The following ATRN variants were observed in gnomAD, a reference collection of about 807,000 sequenced individuals.
The protein encoded by ATRN is attractin, also known as attractin-2.
A neutral mutation model predicts 178.7 loss-of-function variants in ATRN; 54 were observed. The observed-to-expected ratio is 0.30, with a 90% confidence interval of 0.24 to 0.38. The LOEUF is 0.38. Ranked by LOEUF, ATRN falls within the 10% of genes least tolerant of loss-of-function variation. ATRN has a pLI of 1.00. For missense variants in ATRN, 1,443 were observed against 1,815.1 expected, an observed-to-expected ratio of 0.79 and a Z score of 3.73; for synonymous variants, 636 against 663.0, an observed-to-expected ratio of 0.96 and a Z score of 0.63.
intron 1 of ATRN, among the ~76,000 whole-genome samples, chr20:3,503,992 C>T (rs960443720): frequency 6.6e-6 from 1 of 152,098 alleles, no homozygotes; most frequent in Admixed American, 6.6e-5. Flanking sequence ...ATAGGGAACA[C>T]CAATTCAAAT....
Position 3,584,100 on chromosome 20 carries a change from G to GC in ATRN, c.2950+20dup. On this transcript the variant is annotated intron_variant, in intron 17 of 28. Coordinates refer to ENST00000262919, the MANE Select transcript of ATRN (RefSeq NM_139321.3). Reference sequence around the variant, plus strand: ...CCTGCCCCCGTAAGTGAAAAAGGGAGCCCTAGGCACTTATGCATGCCCTCT... The same window carrying GC: ...CCTGCCCCCGTAAGTGAAAAAGGGAGCCCCTAGGCACTTATGCATGCCCTCT... The GC allele has an allele frequency of 1.2e-6, 2 of 1,611,642 alleles. No homozygotes were observed. The highest frequency in any genetic ancestry group is 1.7e-4 in the Middle Eastern group (1 of 5,854).
intron 14 of ATRN, among the ~76,000 whole-genome samples, 179 bp from the exon 15 acceptor site, chr20:3,578,403 A>T (rs2086239832): frequency 6.6e-6 from 1 of 152,232 alleles, no homozygotes; most frequent in Non-Finnish European, 1.5e-5. Flanking sequence ...TAAACATTTT[A>T]AAATTCTTGT....
At chr20:3,594,125 C>T (rs1268555798) in intron 19 of ATRN, among the ~76,000 whole-genome samples, 1 of 152,196 alleles carries the variant, frequency 6.6e-6, no homozygotes, top group Non-Finnish European at 1.5e-5. Flanking sequence ...TCTGTGTCCC[C>T]ACACCCAGCA....
rs182106279 is a variant in ATRN at position 3,615,163 on chromosome 20, G to A, written c.3802-9348G>A. Among the ~76,000 whole-genome samples the A allele has an allele frequency of 2.5e-3, 386 of 152,132 alleles. 1 individual carries two copies. Among genetic ancestry groups the A allele is most frequent in the African/African-American group, 8.9e-3 (371 of 41,508 alleles). On this transcript the variant is annotated intron_variant, in intron 24 of 28. Transcript: ENST00000262919. ...TCTTAAGAGTTTTAAGAATTATATG[G>A]TTGTGCTGTAATTCTAGCACTTAGG...
At chr20:3,545,655 T>G in intron 3 of ATRN, 107 bp from the exon 4 acceptor site, 3 of 1,411,146 alleles carry the variant, frequency 2.1e-6, no homozygotes, top group Non-Finnish European at 2.9e-6. Flanking sequence ...TCTTCCTGGA[T>G]GTGGTTTTTA....
intron 1 of ATRN, among the ~76,000 whole-genome samples, chr20:3,475,779 T>C (rs2084519574): frequency 6.6e-6 from 1 of 152,232 alleles, no homozygotes; most frequent in South Asian, 2.1e-4. Context: ...AATGTTAAGA[T>C]GTACCTTCTG....
At chr20:3,565,536 G>T (rs2086021023) in intron 11 of ATRN, 104 bp downstream of exon 11, 1 of 918,328 alleles carries the variant, frequency 1.1e-6, no homozygotes, top group Non-Finnish European at 1.7e-6. Context: ...GGGAGGCCGA[G>T]GCGGGTGGAA....
chr20:3,581,944 G>A (rs1259937104), intron 15 of ATRN, among the ~76,000 whole-genome samples, 191 bp from the exon 16 acceptor site: 1 of 152,098 alleles, frequency 6.6e-6, no homozygotes, highest in Non-Finnish European at 1.5e-5. Flanking sequence ...TGGTCAAGAT[G>A]TTGGTTATAT....
At chr20:3,623,758 T>A (rs2086915055) in intron 24 of ATRN, among the ~76,000 whole-genome samples, 2 of 152,214 alleles carry the variant, frequency 1.3e-5, no homozygotes, top group Non-Finnish European at 1.5e-5. Flanking sequence ...AATTCTCGTA[T>A]TTAATCAATT....
At chr20:3,635,810 T>C (rs1722419412) in intron 26 of ATRN, among the ~76,000 whole-genome samples, 1 of 152,206 alleles carries the variant, frequency 6.6e-6, no homozygotes, top group Non-Finnish European at 1.5e-5. Flanking sequence ...GCACACTCTT[T>C]ATTATTATTT....
chr20:3,576,160 G>A (rs574371125), intron 13 of ATRN, among the ~76,000 whole-genome samples: 41 of 152,278 alleles, frequency 2.7e-4, no homozygotes, highest in African/African-American at 9.1e-4. Flanking sequence ...TTGTGTTTTA[G>A]AAGAAGGTAG....
intron 1 of ATRN, among the ~76,000 whole-genome samples, chr20:3,517,328 A>G (rs1157999826): frequency 1.3e-5 from 2 of 152,106 alleles, no homozygotes; most frequent in Non-Finnish European, 2.9e-5. Context: ...TTATCCATGC[A>G]TAGGAAAAAA....
At chr20:3,611,956 T>C (rs750482041) in intron 24 of ATRN, among the ~76,000 whole-genome samples, 3 of 152,228 alleles carry the variant, frequency 2.0e-5, no homozygotes, top group South Asian at 2.1e-4. Flanking sequence ...ACTAATGTTA[T>C]ACTTATCATA....
intron 19 of ATRN, chr20:3,592,606 T>G (rs2086464181): frequency 1.9e-6 from 1 of 522,268 alleles, no homozygotes; most frequent in South Asian, 8.3e-5. Flanking sequence ...GCAGGAAAAG[T>G]AAACAACATA....
chr20:3,558,826 T>G (rs235579), intron 6 of ATRN, among the ~76,000 whole-genome samples: 131,498 of 152,118 alleles, frequency 0.86, 57,314 homozygotes, highest in East Asian at 1. Context: ...AATAATGCAT[T>G]AATAAGTATA....
rs745522918 is a variant in ATRN, at chr20:3,563,243, T to G, written c.1666T>G (p.Leu556Val). ...ILKDSRFFRY[L>V]HTAVIVSGTM... ...TAAGGACAGCCGATTTTTCCGTTAC[T>G]TGCACACAGCTGTGATAGTGAGTGG... Residue 556 changes from leucine (L) to valine (V), a missense_variant, in exon 10 of 29, where the codon TTG becomes GTG. Leu to Val is a conservative substitution (Grantham distance 32). This residue lies in a region of ATRN where 862 missense variants were observed against 972.1 expected (regional missense o/e 0.89). Transcript: ENST00000262919. 1 of 1,613,786 alleles carries G rather than the reference T, an allele frequency of 6.2e-7. No individual in the cohort carries two copies. The highest frequency in any genetic ancestry group is 8.5e-7 in the Non-Finnish European group (1 of 1,179,780).
At chr20:3,617,168 T>C (rs202039411) in intron 24 of ATRN, among the ~76,000 whole-genome samples, 1 of 152,302 alleles carries the variant, frequency 6.6e-6, no homozygotes, top group East Asian at 1.9e-4. Context: ...CTGGCTGAGG[T>C]TGGCAACCAA....
chr20:3,605,570 C>T (rs2086666055), intron 24 of ATRN, among the ~76,000 whole-genome samples: 1 of 152,152 alleles, frequency 6.6e-6, no homozygotes, highest in Non-Finnish European at 1.5e-5. Context: ...GAATACTATG[C>T]AGCCATAAAA....
At chr20:3,616,168 T>C (rs2146307936) in intron 24 of ATRN, among the ~76,000 whole-genome samples, 1 of 152,296 alleles carries the variant, frequency 6.6e-6, no homozygotes, top group East Asian at 1.9e-4. Context: ...TCATCTGGAC[T>C]CTTTTTCCCT....
Sources: allele counts gnomAD v4.1 joint callset (sites outside exome capture counted in the v4.1 genomes callset), GRCh38; gene constraint gnomAD v4.1.1; regional missense constraint gnomAD v4.1.1; transcripts MANE v1.5; gene names NCBI Gene and HGNC (gene_info 2026-07-23, HGNC 2026-07-21).